The following DRC11 variants were observed in gnomAD, a reference collection of about 807,000 sequenced individuals.
The protein encoded by DRC11 is IQ and AAA domain-containing protein 1.
chr2:236,452,398 G>A, the DRC11 span, among the ~76,000 whole-genome samples: 1 of 152,152 alleles, frequency 6.6e-6, no homozygotes, highest in Non-Finnish European at 1.5e-5. This position sits in a 1 kb window ranked among gnomAD's most constrained non-coding sequence, Gnocchi z 4.7. Context: ...AAAAATATGT[G>A]GATGGAGGGG....
At chr2:236,345,612 G>T in the DRC11 span, among the ~76,000 whole-genome samples, 3 of 152,288 alleles carry the variant, frequency 2.0e-5, no homozygotes, top group East Asian at 3.9e-4. Context: ...CCCCCTGAAA[G>T]GTGGCTCCGA....
chr2:236,344,585 TAGA>T, the DRC11 span: 7 of 1,613,634 alleles, frequency 4.3e-6, no homozygotes, highest in South Asian at 3.3e-5. Context: ...AACTTTTTTG[TAGA>T]AGGTTTTTTC....
chr2:236,369,226 T>C, the DRC11 span: 1 of 152,330 alleles, frequency 6.6e-6, no homozygotes, highest in East Asian at 1.9e-4. This position sits in a 1 kb window ranked among gnomAD's most constrained non-coding sequence, Gnocchi z 4.5. Context: ...TAGGAAACAC[T>C]GAAAGTATCC....
the DRC11 span, among the ~76,000 whole-genome samples, chr2:236,322,393 C>T: frequency 6.8e-6 from 1 of 147,340 alleles, no homozygotes; most frequent in Admixed American, 6.6e-5. Flanking sequence ...CGCCACCCCA[C>T]CCGGCTAATT....
At chr2:236,368,469 G>A in the DRC11 span, 1 of 580,466 alleles carries the variant, frequency 1.7e-6, no homozygotes, top group South Asian at 2.1e-5. Flanking sequence ...TCAGATAAAG[G>A]TTTGAAGAAA....
At chr2:236,370,468 A>G in the DRC11 span, among the ~76,000 whole-genome samples, 1 of 152,130 alleles carries the variant, frequency 6.6e-6, no homozygotes, top group South Asian at 2.1e-4. The surrounding 1 kb of genome is among the most constrained non-coding windows in gnomAD (Gnocchi z 5.5). Flanking sequence ...GAGACCGGTC[A>G]GTGGTCCCTG....
the DRC11 span, chr2:236,408,963 T>G: frequency 1.4e-6 from 1 of 709,454 alleles, no homozygotes; most frequent in East Asian, 2.7e-5. This position sits in a 1 kb window ranked among gnomAD's most constrained non-coding sequence, Gnocchi z 5.5. Context: ...GTGGACCGGC[T>G]TGGAAGGGTC....
At chr2:236,457,879 A>C in the DRC11 span, among the ~76,000 whole-genome samples, 1 of 152,226 alleles carries the variant, frequency 6.6e-6, no homozygotes, top group Admixed American at 6.5e-5. The surrounding 1 kb of genome is among the most constrained non-coding windows in gnomAD (Gnocchi z 4.7). Flanking sequence ...ACTGGGAGAA[A>C]ATAAATTTCT....
At chr2:236,360,703 T>C in the DRC11 span, among the ~76,000 whole-genome samples, 3 of 152,046 alleles carry the variant, frequency 2.0e-5, no homozygotes, top group African/African-American at 4.8e-5. The surrounding 1 kb of genome is among the most constrained non-coding windows in gnomAD (Gnocchi z 5.8). Flanking sequence ...TGAAAAGCAA[T>C]AGATGAAAAA....
the DRC11 span, among the ~76,000 whole-genome samples, chr2:236,357,471 C>CATATTAT: frequency 8.0e-6 from 1 of 124,284 alleles, no homozygotes; most frequent in Non-Finnish European, 1.6e-5. Flanking sequence ...TTACATATTA[C>CATATTAT]ATGTATATTT....
the DRC11 span, among the ~76,000 whole-genome samples, chr2:236,430,234 T>C: frequency 6.6e-6 from 1 of 151,666 alleles, no homozygotes; most frequent in Non-Finnish European, 1.5e-5. The surrounding 1 kb of genome is among the most constrained non-coding windows in gnomAD (Gnocchi z 6.0). Flanking sequence ...CAGAGCACAC[T>C]GGCATTGTTG....
the DRC11 span, among the ~76,000 whole-genome samples, chr2:236,352,113 G>A: frequency 1.3e-5 from 2 of 152,146 alleles, no homozygotes; most frequent in South Asian, 2.1e-4. The surrounding 1 kb of genome is among the most constrained non-coding windows in gnomAD (Gnocchi z 7.0). Flanking sequence ...GAGGAGGTCC[G>A]GGCTGCCAAG....
chr2:236,493,680 A>G, the DRC11 span: 4 of 1,080,438 alleles, frequency 3.7e-6, no homozygotes, highest in African/African-American at 6.4e-5. Flanking sequence ...ACTGAAAATA[A>G]TCTAAGTGTT....
chr2:236,451,919 T>C, the DRC11 span, among the ~76,000 whole-genome samples: 2 of 152,240 alleles, frequency 1.3e-5, no homozygotes, highest in Non-Finnish European at 2.9e-5. Flanking sequence ...CATTTAGTTA[T>C]TTAAAAATAA....
the DRC11 span, among the ~76,000 whole-genome samples, chr2:236,478,629 G>A: frequency 6.6e-6 from 1 of 151,946 alleles, no homozygotes; most frequent in Non-Finnish European, 1.5e-5. The surrounding 1 kb of genome is among the most constrained non-coding windows in gnomAD (Gnocchi z 5.9). Context: ...CTGAGAATGG[G>A]GTGTTGAAGC....
At chr2:236,350,149 A>G in the DRC11 span, among the ~76,000 whole-genome samples, 1 of 152,190 alleles carries the variant, frequency 6.6e-6, no homozygotes, top group Non-Finnish European at 1.5e-5. This position sits in a 1 kb window ranked among gnomAD's most constrained non-coding sequence, Gnocchi z 5.2. Context: ...GAGACCCACA[A>G]TCTTGTTTCC....
At chr2:236,343,570 C>G in the DRC11 span, 2 of 475,942 alleles carry the variant, frequency 4.2e-6, no homozygotes, top group Non-Finnish European at 3.9e-6. This position sits in a 1 kb window ranked among gnomAD's most constrained non-coding sequence, Gnocchi z 6.6. Context: ...GGGAGTAGCC[C>G]CTGCCCATGA....
chr2:236,336,361 G>C, the DRC11 span, among the ~76,000 whole-genome samples: 1 of 152,094 alleles, frequency 6.6e-6, no homozygotes, highest in East Asian at 1.9e-4. This position sits in a 1 kb window ranked among gnomAD's most constrained non-coding sequence, Gnocchi z 7.3. Flanking sequence ...ATTGGAGAAG[G>C]AAGAACAGAA....
chr2:236,456,865 T>C, the DRC11 span, among the ~76,000 whole-genome samples: 1 of 152,196 alleles, frequency 6.6e-6, no homozygotes, highest in Admixed American at 6.5e-5. This position sits in a 1 kb window ranked among gnomAD's most constrained non-coding sequence, Gnocchi z 5.4. Context: ...ATTGGAAAGA[T>C]CCTGAGGCCT....
Sources: allele counts gnomAD v4.1 joint callset (sites outside exome capture counted in the v4.1 genomes callset), GRCh38; gene constraint gnomAD v4.1.1; non-coding constraint Gnocchi (gnomAD v3.1); transcripts MANE v1.5; gene names NCBI Gene and HGNC (gene_info 2026-07-23, HGNC 2026-07-21).